Variants in KITLG observed in about 807,000 individuals in gnomAD.
KITLG encodes the protein KIT ligand, also known as c-Kit ligand.
Under a neutral mutation model 34.1 loss-of-function variants are expected in KITLG, and 13 were observed. The observed-to-expected ratio is 0.38, with a 90% CI of 0.25 to 0.61. The LOEUF is 0.61. KITLG is among the 20% of genes least tolerant of loss of function. The pLI is 0.60. For missense variants in KITLG, 292 were observed against 318.9 expected (o/e 0.92, Z 0.64); for synonymous variants, 110 against 104.0 (o/e 1.06, Z -0.35).
At chr12:88,548,424 A>T (rs1039326456) in intron 1 of KITLG, among the ~76,000 whole-genome samples, 1 of 151,244 alleles carries the variant, frequency 6.6e-6, no homozygotes. Flanking sequence ...ACTGCACTCT[A>T]GCCTGGCGAC....
At chr12:88,530,972 T>C (rs1385555826) in intron 3 of KITLG, among the ~76,000 whole-genome samples, 1 of 152,178 alleles carries the variant, frequency 6.6e-6, no homozygotes, top group Non-Finnish European at 1.5e-5. Context: ...ACAAAGTAGA[T>C]GTTTAATAAG....
At position 88,532,406 on chromosome 12, in the gene KITLG, TACTAA is replaced by T. The variant is rs1384298776; in HGVS notation, c.192+30_192+34del. ...GAATGATCCCATTTCTTCTATGAGCTACTAAAATGAAACTCAGAAATGTAGTTTAC... is the reference window on the plus strand; with the variant it reads ...GAATGATCCCATTTCTTCTATGAGCTAATGAAACTCAGAAATGTAGTTTAC... On this transcript the variant is annotated intron_variant, in intron 3 of 9. Coordinates refer to ENST00000644744, the MANE Select transcript of KITLG (RefSeq NM_000899.5). 3 of 1,445,590 alleles carry T rather than the reference TACTAA, an allele frequency of 2.1e-6. No individual in the cohort carries two copies. In the East Asian group the frequency reaches 6.8e-5, roughly 33 times the overall value. 89.5% of individuals were successfully genotyped at this position (1,445,590 alleles called of 1,614,324 possible).
chr12:88,535,571 A>C (rs17339927), intron 2 of KITLG, among the ~76,000 whole-genome samples: 13,433 of 152,230 alleles, frequency 0.088, 626 homozygotes, highest in Non-Finnish European at 0.1. Flanking sequence ...ATAGCGCAGT[A>C]TCCCATTATT....
intron 1 of KITLG, among the ~76,000 whole-genome samples, chr12:88,560,290 A>G (rs1871253756): frequency 6.6e-6 from 1 of 152,226 alleles, no homozygotes; most frequent in Non-Finnish European, 1.5e-5. Flanking sequence ...ACCACAGTTG[A>G]TGCTACAGTT....
At chr12:88,522,742 A>C (rs1566022908) in intron 3 of KITLG, among the ~76,000 whole-genome samples, 1 of 152,144 alleles carries the variant, frequency 6.6e-6, no homozygotes, top group Non-Finnish European at 1.5e-5. Context: ...GACAGTCTTT[A>C]AGAGCAGTCA....
At position 88,515,575 on chromosome 12, in the gene KITLG, A is replaced by G. The variant is rs1266432141; in HGVS notation, c.563T>C (p.Val188Ala). ...SVTKPFMLPP[V>A]AASSLRNDSS... Reference sequence around the variant, plus strand: ...GTCATTCCTAAGGGAGCTGGCTGCAACAGGGGGTAACATAAATGGTTTTGT... The same window carrying G: ...GTCATTCCTAAGGGAGCTGGCTGCAGCAGGGGGTAACATAAATGGTTTTGT... The change falls in exon 6 of 10, where the codon GTT becomes GCT. Residue 188 changes from valine (V) to alanine (A), a missense_variant. Coordinates refer to ENST00000644744, the MANE Select transcript of KITLG (RefSeq NM_000899.5). 6.2e-7 allele frequency: 1 copy of G among 1,611,160 alleles called. No individual in the cohort carries two copies. Among genetic ancestry groups the G allele is most frequent in the Middle Eastern group, 1.7e-4 (1 of 6,050 alleles).
intron 2 of KITLG, among the ~76,000 whole-genome samples, chr12:88,542,258 C>A (rs553442324): frequency 5.3e-5 from 8 of 152,290 alleles, no homozygotes; most frequent in African/African-American, 1.9e-4. Flanking sequence ...GCTACACACT[C>A]TCCTCAGAAA....
At chr12:88,508,478 G>C (rs938622203) in intron 6 of KITLG, among the ~76,000 whole-genome samples, 1 of 152,142 alleles carries the variant, frequency 6.6e-6, no homozygotes, top group Non-Finnish European at 1.5e-5. Context: ...TGTGAACTGA[G>C]AGCAGGAAAT....
rs1030698776 is a variant in KITLG, at chr12:88,512,898, G to A, written c.604+2636C>T. On this transcript the variant is annotated intron_variant, in intron 6 of 9. Coordinates refer to ENST00000644744, the MANE Select transcript of KITLG (RefSeq NM_000899.5). The stretch of plus-strand genomic sequence containing the variant: ...TGTATTATAAGAGATGCTATAGAAT[G>A]TTTTTCAGCCTGAAGGAAATTAATA... Among the ~76,000 whole-genome samples the A allele has an allele frequency of 1.5e-4, 23 of 151,908 alleles. 1 individual carries two copies. The highest frequency in any genetic ancestry group is 6.8e-3 in the Middle Eastern group (2 of 294).
At chr12:88,515,397 G>C in intron 6 of KITLG, 137 bp downstream of exon 6, 1 of 608,676 alleles carries the variant, frequency 1.6e-6, no homozygotes. Context: ...TAAGTCTCAA[G>C]AAGACCATAA....
At chr12:88,505,273 G>A (rs776990784) in intron 8 of KITLG, 38 bp from the exon 9 acceptor site, 13 of 1,527,850 alleles carry the variant, frequency 8.5e-6, no homozygotes, top group Non-Finnish European at 1.2e-5. Flanking sequence ...TTTGCTCTTG[G>A]TCAGAGATTC....
At chr12:88,520,203 G>A (rs1423094369) in intron 3 of KITLG, among the ~76,000 whole-genome samples, 3 of 152,176 alleles carry the variant, frequency 2.0e-5, no homozygotes, top group African/African-American at 4.8e-5. Flanking sequence ...TCCAAAGTAT[G>A]TGCAGAACAG....
At chr12:88,576,909 A>C (rs1415974658) in intron 1 of KITLG, among the ~76,000 whole-genome samples, 1 of 152,180 alleles carries the variant, frequency 6.6e-6, no homozygotes, top group Non-Finnish European at 1.5e-5. Flanking sequence ...AATGTGACCC[A>C]GAATTTGCTA....
chr12:88,506,125 T>C (rs2120804360), intron 8 of KITLG, among the ~76,000 whole-genome samples, 186 bp downstream of exon 8: 1 of 152,170 alleles, frequency 6.6e-6, no homozygotes, highest in East Asian at 1.9e-4. Context: ...AGGTATTCTG[T>C]AGGTAAATGG....
In KITLG at chr12:88,525,437, C is replaced by T. The variant is rs74500326; in HGVS notation, c.193-6570G>A. 6.6e-3 allele frequency among the ~76,000 whole-genome samples: 1,005 copies of T among 152,066 alleles called. 8 individuals are homozygous for T. The highest frequency in any genetic ancestry group is 0.023 in the African/African-American group (960 of 41,446). Reference sequence around the variant, plus strand: ...TTATTCATAACTATTTTTTGAGGAGCGACTATATGCATTGGATTGTCTAAA... The same window carrying T: ...TTATTCATAACTATTTTTTGAGGAGTGACTATATGCATTGGATTGTCTAAA... On this transcript the variant is annotated intron_variant, in intron 3 of 9. Transcript: ENST00000644744.
In KITLG at chr12:88,507,078, C is replaced by G. The variant is rs368986219; in HGVS notation, c.664G>C (p.Ala222Pro). ...AAGCCAATTATAAGAGAAAACAATG[C>G]TGGCAATGCCATGGCTGCCCAGTGT... ...SLHWAAMALP[A>P]LFSLIIGFAF... Residue 222 changes from alanine (A) to proline (P), a missense_variant, in exon 7 of 10, where the codon GCA becomes CCA. Physicochemically the swap from Ala to Pro is conservative, Grantham distance 27. Transcript: ENST00000644744. 6.2e-7 allele frequency: 1 copy of G among 1,613,802 alleles called. No homozygotes were observed. Among genetic ancestry groups the G allele is most frequent in the South Asian group, 1.1e-5 (1 of 91,078 alleles).
chr12:88,515,981 T>G (rs534048037), intron 5 of KITLG, among the ~76,000 whole-genome samples: 1 of 151,788 alleles, frequency 6.6e-6, no homozygotes, highest in East Asian at 1.9e-4. Context: ...ATTTGTGACT[T>G]AGAGTTAGAT....
chr12:88,553,448 TTC>T (rs1464432535), intron 1 of KITLG, among the ~76,000 whole-genome samples: 1 of 152,194 alleles, frequency 6.6e-6, no homozygotes, highest in Non-Finnish European at 1.5e-5. Context: ...TATTTTTTTT[TTC>T]TGTTAACATT....
At chr12:88,567,850 T>C (rs1281583495) in intron 1 of KITLG, among the ~76,000 whole-genome samples, 1 of 152,148 alleles carries the variant, frequency 6.6e-6, no homozygotes, top group Non-Finnish European at 1.5e-5. Flanking sequence ...AAAATCAGAA[T>C]GTTATCCGAA....
Sources: allele counts gnomAD v4.1 joint callset (sites outside exome capture counted in the v4.1 genomes callset), GRCh38; gene constraint gnomAD v4.1.1; transcripts MANE v1.5; gene names NCBI Gene and HGNC (gene_info 2026-07-23, HGNC 2026-07-21).